Variants in FHIP1A observed in about 807,000 individuals in gnomAD.
FHIP1A encodes FHF complex subunit HOOK interacting protein 1A, also known as FHF complex subunit HOOK-interacting protein 1A.
Under a neutral mutation model 88.6 loss-of-function variants are expected in FHIP1A, and 61 were observed. The ratio of observed to expected loss-of-function variants is 0.69; its 90% confidence interval spans 0.56 to 0.85. The LOEUF is 0.85. FHIP1A is among the 40% of genes least tolerant of loss of function. FHIP1A has a pLI of 0.00. For synonymous variants in FHIP1A, 478 were observed against 496.0 expected, an observed-to-expected ratio of 0.96 and a Z score of 0.48; for missense variants, 1,154 against 1,273.5, an observed-to-expected ratio of 0.91 and a Z score of 1.43.
intron 3 of FHIP1A, among the ~76,000 whole-genome samples, chr4:151,516,885 T>A (rs1263486175): frequency 6.6e-6 from 1 of 151,902 alleles, no homozygotes; most frequent in Non-Finnish European, 1.5e-5. Context: ...ATTGTGGAAG[T>A]CAGTGTGGTG....
intron 3 of FHIP1A, among the ~76,000 whole-genome samples, chr4:151,542,912 C>T (rs1207856744): frequency 6.6e-6 from 1 of 152,172 alleles, no homozygotes; most frequent in Non-Finnish European, 1.5e-5. Flanking sequence ...GCTAGCCCAT[C>T]CTTCATATAC....
intron 11 of FHIP1A, among the ~76,000 whole-genome samples, chr4:151,653,348 G>C (rs1737102247): frequency 6.6e-6 from 1 of 150,936 alleles, no homozygotes; most frequent in Non-Finnish European, 1.5e-5. Flanking sequence ...AGGTCTCTCT[G>C]TGTGTGTGTC....
At chr4:151,640,616 G>A (rs1301686385) in intron 9 of FHIP1A, among the ~76,000 whole-genome samples, 1 of 152,170 alleles carries the variant, frequency 6.6e-6, no homozygotes, top group Non-Finnish European at 1.5e-5. Flanking sequence ...AAAGCCTGAT[G>A]GTATTTAAAT....
At position 151,480,852 on chromosome 4, in the gene FHIP1A, C is replaced by G. The variant is rs1729871427; in HGVS notation, c.-247-1672C>G. 2.0e-5 allele frequency among the ~76,000 whole-genome samples: 3 copies of G among 151,138 alleles called. No homozygotes were observed. In the South Asian group the frequency reaches 6.3e-4, roughly 32 times the overall value. ...CCCCCCACCCCCATTTTTTTCTTTT[C>G]ACGAATATTTGTTATAAGAGAAGGT... On this transcript the variant is annotated intron_variant, in intron 2 of 13. Transcript: ENST00000435205.
intron 2 of FHIP1A, among the ~76,000 whole-genome samples, chr4:151,455,047 C>G (rs1457995858): frequency 6.6e-6 from 1 of 152,094 alleles, no homozygotes; most frequent in African/African-American, 2.4e-5. Flanking sequence ...TTTTGCCATT[C>G]TGAACTCTGA....
chr4:151,593,770 T>G (rs1734536230), intron 7 of FHIP1A, among the ~76,000 whole-genome samples: 1 of 152,242 alleles, frequency 6.6e-6, no homozygotes, highest in Non-Finnish European at 1.5e-5. Context: ...CTTGCCTGAT[T>G]GCCCTGGCCA....
intron 9 of FHIP1A, among the ~76,000 whole-genome samples, chr4:151,642,151 A>G (rs184075818): frequency 1.3e-5 from 2 of 152,356 alleles, no homozygotes; most frequent in East Asian, 3.9e-4. Context: ...GTCCACCTCC[A>G]CGGATATGAC....
At chr4:151,525,902 C>CGGCCT (rs1731612758) in intron 3 of FHIP1A, among the ~76,000 whole-genome samples, 1 of 151,882 alleles carries the variant, frequency 6.6e-6, no homozygotes, top group South Asian at 2.1e-4. Context: ...GAGGACCCTG[C>CGGCCT]GGCCTTCCGC....
intron 3 of FHIP1A, among the ~76,000 whole-genome samples, chr4:151,501,833 C>A (rs1338666245): frequency 1.4e-5 from 2 of 146,728 alleles, no homozygotes; most frequent in Admixed American, 6.8e-5. Flanking sequence ...ATTCTGGATA[C>A]TAAACCTTTA....
In FHIP1A at chr4:151,649,862, C is replaced by T; in HGVS notation, c.1821C>T (p.Pro607=). Residue 607 remains proline (P), a synonymous_variant, in exon 11 of 14, where the codon CCC becomes CCT. Transcript: ENST00000435205. ...ATGATGATCTGGAGGTTTCAGGCCC[C>T]CCAGCACCCATTGATCCCCCCAAAC... ...GPYDDLEVSG[P]PAPIDPPKHI... 6.4e-7 allele frequency: 1 copy of T among 1,551,508 alleles called. No homozygotes were observed. The highest frequency in any genetic ancestry group is 8.7e-7 in the Non-Finnish European group (1 of 1,146,964).
chr4:151,626,678 T>C (rs979680677), intron 7 of FHIP1A, among the ~76,000 whole-genome samples: 2 of 152,238 alleles, frequency 1.3e-5, no homozygotes, highest in Admixed American at 1.3e-4. Flanking sequence ...TATTAGTATT[T>C]CTATGTAAAT....
chr4:151,488,371 A>G (rs1730160343), intron 3 of FHIP1A, among the ~76,000 whole-genome samples: 1 of 152,138 alleles, frequency 6.6e-6, no homozygotes, highest in African/African-American at 2.4e-5. Context: ...GTTCCCACTT[A>G]TAAGTGAGAA....
At chr4:151,430,441 C>G (rs1478681864) in intron 1 of FHIP1A, among the ~76,000 whole-genome samples, 2 of 152,194 alleles carry the variant, frequency 1.3e-5, no homozygotes, top group Non-Finnish European at 2.9e-5. Context: ...CCAAGTTCTA[C>G]TATTCAAGAT....
At chr4:151,571,480 T>C (rs1334128608) in intron 4 of FHIP1A, among the ~76,000 whole-genome samples, 1 of 152,158 alleles carries the variant, frequency 6.6e-6, no homozygotes, top group African/African-American at 2.4e-5. Flanking sequence ...GTTAATTAAG[T>C]CAAATGTCTT....
At chr4:151,419,198 A>G (rs1733018305) in intron 1 of FHIP1A, among the ~76,000 whole-genome samples, 1 of 152,204 alleles carries the variant, frequency 6.6e-6, no homozygotes, top group Admixed American at 6.5e-5. Context: ...GGTCTTATTC[A>G]GTCTATTGAA....
In FHIP1A at chr4:151,656,393, G is replaced by T; in HGVS notation, c.2713G>T (p.Val905Phe). 1.3e-6 allele frequency: 2 copies of T among 1,551,656 alleles called. No homozygotes were observed. Among genetic ancestry groups the T allele is most frequent in the Non-Finnish European group, 1.7e-6 (2 of 1,146,994 alleles). The change falls in exon 12 of 14, where the codon GTC (valine) becomes TTC (phenylalanine). Residue 905 changes from valine to phenylalanine, a missense_variant. Coordinates refer to ENST00000435205, the MANE Select transcript of FHIP1A (RefSeq NM_001109977.3). The surrounding 1 kb of genome is among the most constrained non-coding windows in gnomAD (Gnocchi z 4.2). ...CACCAACATGGTCTTCCAGCCAAGCGTCCGCTCTCTCTATCAGGTATGTTA... is the reference window on the plus strand; with the variant it reads ...CACCAACATGGTCTTCCAGCCAAGCTTCCGCTCTCTCTATCAGGTATGTTA... The part of the protein sequence containing the change: ...LNTNMVFQPS[V>F]RSLYQVLASV...
chr4:151,441,652 T>C (rs1728417597), intron 1 of FHIP1A, among the ~76,000 whole-genome samples: 1 of 152,196 alleles, frequency 6.6e-6, no homozygotes, highest in Non-Finnish European at 1.5e-5. Flanking sequence ...GGCTTAAGAT[T>C]CTCATGTTTT....
rs141497151 is a variant in FHIP1A, at chr4:151,648,887, A to G, written c.1418-572A>G. Among the ~76,000 whole-genome samples the G allele has an allele frequency of 3.8e-3, 580 of 152,236 alleles. 3 individuals are homozygous for G. The highest frequency in any genetic ancestry group is 0.01 in the Middle Eastern group (3 of 294). ...AGGCAGTCATGGTAACATAAGCAGC[A>G]TTCTTGGGTTAAAATGACTTTTGTA... On this transcript the variant is annotated intron_variant, in intron 10 of 13. Coordinates refer to ENST00000435205, the MANE Select transcript of FHIP1A (RefSeq NM_001109977.3).
intron 1 of FHIP1A, among the ~76,000 whole-genome samples, chr4:151,435,658 G>A (rs931667624): frequency 6.6e-6 from 1 of 152,014 alleles, no homozygotes; most frequent in Non-Finnish European, 1.5e-5. Flanking sequence ...GGTGGCACAT[G>A]CCTATAATCC....
Sources: allele counts gnomAD v4.1 joint callset (sites outside exome capture counted in the v4.1 genomes callset), GRCh38; gene constraint gnomAD v4.1.1; non-coding constraint Gnocchi (gnomAD v3.1); transcripts MANE v1.5; gene names NCBI Gene and HGNC (gene_info 2026-07-23, HGNC 2026-07-21).